ARHGAP5: variants seen among roughly 807,000 people sequenced by gnomAD.
ARHGAP5 encodes the protein Rho GTPase activating protein 5, also known as rho GTPase-activating protein 5.
A neutral mutation model predicts 116.6 loss-of-function variants in ARHGAP5; 23 were observed. The observed-to-expected ratio is 0.20, with a 90% CI of 0.14 to 0.28. The LOEUF (loss-of-function observed/expected upper bound fraction) is 0.28, where lower values mean the gene tolerates loss of function less well. ARHGAP5 is among the 10% of genes least tolerant of loss of function. The probability of loss-of-function intolerance (pLI) is 1.00; values close to 1 mark genes in which losing one functional copy is unlikely to be tolerated. For synonymous variants in ARHGAP5, 574 were observed against 602.0 expected (o/e 0.95, Z 0.68); for missense variants, 1,405 against 1,774.8 (o/e 0.79, Z 3.74).
intron 3 of ARHGAP5, among the ~76,000 whole-genome samples, chr14:32,117,981 C>T (rs567583349): frequency 5.0e-4 from 74 of 149,256 alleles, no homozygotes; most frequent in South Asian, 8.3e-4. Flanking sequence ...ACTGAATGTA[C>T]TACACATTTT....
intron 2 of ARHGAP5, among the ~76,000 whole-genome samples, chr14:32,111,177 G>C (rs1879275549): frequency 6.6e-6 from 1 of 152,210 alleles, no homozygotes; most frequent in Non-Finnish European, 1.5e-5. Context: ...CAAGGCAGGA[G>C]AATTAAGGCC....
rs560130441 is a variant in ARHGAP5 at position 32,109,037 on chromosome 14, T to C, written c.3718-8103T>C. On this transcript the variant is annotated intron_variant, in intron 2 of 6. Coordinates refer to ENST00000345122, the MANE Select transcript of ARHGAP5 (RefSeq NM_001030055.2). ...CTTGATAGATTGAATTCTAGATCAT[T>C]GTCAAGTGAGTTTGCTTGTATGGTT... is the stretch of plus-strand genomic sequence containing the variant. Among the ~76,000 whole-genome samples the C allele has an allele frequency of 2.2e-4, 34 of 152,300 alleles. 1 individual carries two copies. In the South Asian group the frequency reaches 6.6e-3, roughly 30 times the overall value.
chr14:32,081,548 C>CAAA (rs529516365), intron 1 of ARHGAP5, among the ~76,000 whole-genome samples: 43 of 48,578 alleles, frequency 8.9e-4, no homozygotes, highest in African/African-American at 1.5e-3. Context: ...GACTCCTTCT[C>CAAA]AAAAAAAAAA....
chr14:32,158,134 A>G lies in ARHGAP5; in HGVS notation c.*3186A>G, dbSNP rs934645413. ...TGAATAAAACATTAAGAAGCTGTGT[A>G]ATTTTAAGTTATAGTTGCCTCTATT... On this transcript the variant is annotated 3_prime_UTR_variant, in exon 7 of 7. Transcript: ENST00000345122. The G allele has an allele frequency of 1.3e-5, 2 of 151,766 alleles. No homozygotes were observed. The highest frequency in any genetic ancestry group is 2.4e-5 in the African/African-American group (1 of 41,428). 9.4% of individuals were successfully genotyped at this position (151,766 alleles called of 1,614,324 possible).
At chr14:32,085,110 C>G (rs993024589) in intron 1 of ARHGAP5, among the ~76,000 whole-genome samples, 5 of 152,140 alleles carry the variant, frequency 3.3e-5, no homozygotes, top group Admixed American at 2.0e-4. Context: ...TTGATTTCTT[C>G]TCACTTTTCA....
rs906279224 is a variant in ARHGAP5, at chr14:32,077,524, C to A, written c.-169+89C>A. 1.6e-5 allele frequency: 10 copies of A among 642,692 alleles called. No homozygotes were observed. In the East Asian group the frequency reaches 2.9e-4, roughly 19 times the overall value. The allele number at this position is 642,692 out of a possible 1,614,324, so 39.8% of individuals were successfully genotyped here. ...GCGGCTAGCTGCCCCGCTCGGTCGC[C>A]GCTGCCGGTTGTAACCAGTTGAAGG... On this transcript the variant is annotated intron_variant, in intron 1 of 6. Coordinates refer to ENST00000345122, the MANE Select transcript of ARHGAP5 (RefSeq NM_001030055.2).
intron 2 of ARHGAP5, among the ~76,000 whole-genome samples, chr14:32,101,351 T>G (rs948788609): frequency 6.6e-6 from 1 of 152,186 alleles, no homozygotes; most frequent in Non-Finnish European, 1.5e-5. Flanking sequence ...TAATCTGATA[T>G]TAGCAAATCA....
rs765557119 is a variant in ARHGAP5 at position 32,077,403 on chromosome 14, TGAG to T, written c.-194_-192del. On this transcript the variant is annotated 5_prime_UTR_variant, in exon 1 of 7. Coordinates refer to ENST00000345122, the MANE Select transcript of ARHGAP5 (RefSeq NM_001030055.2). ...CCGCCACCGCCGGGGCCGCTGCCGT[TGAG>T]GAGGAGACGGAGGAGACCGACGTTG... 9 of 704,894 alleles carry T rather than the reference TGAG, an allele frequency of 1.3e-5. No homozygotes were observed. The highest frequency in any genetic ancestry group is 4.4e-5 in the South Asian group (3 of 67,656). The allele number at this position is 704,894 out of a possible 1,614,324, so 43.7% of individuals were successfully genotyped here.
chr14:32,094,196 G>A lies in ARHGAP5; in HGVS notation c.3527G>A (p.Ser1176Asn). The A allele has an allele frequency of 6.2e-7, 1 of 1,612,738 alleles. No individual in the cohort carries two copies. Among genetic ancestry groups the A allele is most frequent in the South Asian group, 1.1e-5 (1 of 90,752 alleles). ...SYYRRTHSDA[S>N]DDEAFTTSKT... ...TATAGAAGAACACATTCAGATGCCA[G>A]TGATGATGAGGCTTTCACCACTTCT... The change falls in exon 2 of 7, where the codon AGT becomes AAT. Residue 1176 changes from serine to asparagine, a missense_variant. Coordinates refer to ENST00000345122, the MANE Select transcript of ARHGAP5 (RefSeq NM_001030055.2).
chr14:32,106,530 T>G (rs995409017), intron 2 of ARHGAP5, among the ~76,000 whole-genome samples: 1 of 152,214 alleles, frequency 6.6e-6, no homozygotes, highest in Non-Finnish European at 1.5e-5. Flanking sequence ...CCGTGTTCCA[T>G]TCACCATTTT....
chr14:32,091,841 A>G lies in ARHGAP5; in HGVS notation c.1172A>G (p.His391Arg), dbSNP rs761374425. Residue 391 changes from histidine to arginine, a missense_variant, in exon 2 of 7, where the codon CAT becomes CGT. Transcript: ENST00000345122. Reference sequence around the variant, plus strand: ...AAAACTCCTTGGGATGAAACTGACCATATAGACAAAATTAATGATAGGCGG... The same window carrying G: ...AAAACTCCTTGGGATGAAACTGACCGTATAGACAAAATTAATGATAGGCGG... Reference protein sequence around the residue: ...LEKTPWDETDHIDKINDRRIP... With the variant: ...LEKTPWDETDRIDKINDRRIP... 7 of 1,613,502 alleles carry G rather than the reference A, an allele frequency of 4.3e-6. No individual in the cohort carries two copies. The highest frequency in any genetic ancestry group is 1.7e-4 in the Middle Eastern group (1 of 6,034).
chr14:32,084,055 T>C (rs2041804695), intron 1 of ARHGAP5, among the ~76,000 whole-genome samples: 2 of 152,344 alleles, frequency 1.3e-5, no homozygotes, highest in Admixed American at 6.5e-5. Context: ...TGAAAGAATT[T>C]AGAATGACTT....
At chr14:32,127,080 C>G (rs1179665273) in intron 3 of ARHGAP5, among the ~76,000 whole-genome samples, 1 of 150,968 alleles carries the variant, frequency 6.6e-6, no homozygotes, top group African/African-American at 2.4e-5. Flanking sequence ...TCACTGCGAC[C>G]TCCACCTCCT....
Position 32,091,984 on chromosome 14 carries a change from G to C in ARHGAP5, c.1315G>C (p.Glu439Gln), listed in dbSNP as rs1297564845. The C allele has an allele frequency of 6.2e-7, 1 of 1,613,610 alleles. No individual in the cohort carries two copies. Among genetic ancestry groups the C allele is most frequent in the Admixed American group, 1.7e-5 (1 of 59,984 alleles). The change falls in exon 2 of 7, where the codon GAA (glutamate) becomes CAA (glutamine). Residue 439 changes from glutamate to glutamine, a missense_variant. Coordinates refer to ENST00000345122, the MANE Select transcript of ARHGAP5 (RefSeq NM_001030055.2). The stretch of plus-strand genomic sequence containing the variant: ...GAAGGAAAAATTCAAAAAGACTTTG[G>C]AAAAAATTCAATTCATTTCACCAGG... ...EMKEKFKKTL[E>Q]KIQFISPGQP... is the part of the protein sequence containing the mutation.
intron 6 of ARHGAP5, 129 bp downstream of exon 6, chr14:32,152,657 T>G: frequency 2.0e-6 from 1 of 490,026 alleles, no homozygotes; most frequent in Non-Finnish European, 3.6e-6. Context: ...TTGAATTTTG[T>G]TTTTCTAATT....
intron 3 of ARHGAP5, among the ~76,000 whole-genome samples, chr14:32,126,258 T>C (rs1880148402): frequency 6.6e-6 from 1 of 152,146 alleles, no homozygotes; most frequent in South Asian, 2.1e-4. Flanking sequence ...AGATGGAGTC[T>C]CACAGTTCTG....
At chr14:32,089,394 C>T (rs940205326) in intron 1 of ARHGAP5, among the ~76,000 whole-genome samples, 31 of 151,738 alleles carry the variant, frequency 2.0e-4, no homozygotes, top group African/African-American at 6.8e-4. Flanking sequence ...TGCTGATGTA[C>T]GTTGCTAGTG....
intron 2 of ARHGAP5, among the ~76,000 whole-genome samples, chr14:32,108,934 A>G (rs1352035019): frequency 1.3e-5 from 2 of 152,130 alleles, no homozygotes; most frequent in Non-Finnish European, 2.9e-5. Context: ...TGACCTGACA[A>G]AGTAAAGGAG....
intron 2 of ARHGAP5, among the ~76,000 whole-genome samples, chr14:32,098,235 TG>T (rs1297158526): frequency 1.3e-5 from 2 of 152,160 alleles, no homozygotes; most frequent in Non-Finnish European, 2.9e-5. Flanking sequence ...CAAGACAGTG[TG>T]TTACTGGCAC....
Sources: gnomAD v4.1 joint callset for allele counts (sites outside exome capture counted in the v4.1 genomes callset) on GRCh38, gnomAD v4.1.1 for gene constraint, MANE v1.5 for transcripts, NCBI Gene and HGNC (gene_info 2026-07-23, HGNC 2026-07-21) for gene names.